Variants in DNMBP observed in about 807,000 individuals in gnomAD.
The protein encoded by DNMBP is dynamin-binding protein.
A neutral mutation model predicts 150.0 loss-of-function variants in DNMBP; 87 were observed. That is an observed-to-expected ratio of 0.58 (90% confidence interval 0.49 to 0.69). DNMBP has a LOEUF of 0.69. DNMBP is among the 30% of genes least tolerant of loss of function. The pLI is 0.00. For synonymous variants in DNMBP, 711 were observed against 750.4 expected (o/e 0.95, Z 0.86); for missense variants, 1,774 against 1,949.0 (o/e 0.91, Z 1.69).
intron 1 of DNMBP, among the ~76,000 whole-genome samples, chr10:99,976,010 TGTCCAAG>T (rs2040724672): frequency 6.6e-6 from 1 of 152,230 alleles, no homozygotes; most frequent in Non-Finnish European, 1.5e-5. Flanking sequence ...AGATGATAGC[TGTCCAAG>T]GTCACATAGT....
chr10:99,987,649 C>A (rs190138357), intron 1 of DNMBP, among the ~76,000 whole-genome samples: 1 of 151,800 alleles, frequency 6.6e-6, no homozygotes, highest in African/African-American at 2.4e-5. Flanking sequence ...AGGAGGATCA[C>A]TTGAACCCAG....
chr10:99,994,134 G>C (rs1403861680), intron 1 of DNMBP, among the ~76,000 whole-genome samples: 1 of 152,140 alleles, frequency 6.6e-6, no homozygotes, highest in Admixed American at 6.5e-5. Flanking sequence ...TAACAGTTAG[G>C]AGCCCAGACT....
chr10:99,984,901 T>C (rs1313089964), intron 1 of DNMBP, among the ~76,000 whole-genome samples: 3 of 152,094 alleles, frequency 2.0e-5, no homozygotes, highest in African/African-American at 7.2e-5. Context: ...ATAATGAATT[T>C]ACAAATTTTT....
chr10:100,007,322 T>C (rs1326359646), intron 1 of DNMBP, among the ~76,000 whole-genome samples: 2 of 152,188 alleles, frequency 1.3e-5, no homozygotes, highest in Non-Finnish European at 2.9e-5. Context: ...CACGAGGGCT[T>C]AGTCTGTTTT....
Position 99,880,058 on chromosome 10 carries a change from C to T in DNMBP, c.4301G>A (p.Cys1434Tyr), listed in dbSNP as rs371661794. Residue 1434 changes from cysteine (C) to tyrosine (Y), a missense_variant, in exon 16 of 17, where the codon TGC becomes TAC. Around this residue, in one of 2 missense-constraint regions of DNMBP, gnomAD observed 1,430 missense variants for 1,492.5 expected, o/e 0.96. Coordinates refer to ENST00000324109, the MANE Select transcript of DNMBP (RefSeq NM_015221.4). ...GGAGGTGGAGTCTGGGTCTGAAGGGCATCTGGAAGGACTACTCTCTGAATT... is the reference window on the plus strand; with the variant it reads ...GGAGGTGGAGTCTGGGTCTGAAGGGTATCTGGAAGGACTACTCTCTGAATT... ...PSNSESSPSR[C>Y]PSDPDSTSQP... 77 of 1,614,026 alleles carry T rather than the reference C, an allele frequency of 4.8e-5. No homozygotes were observed. Among genetic ancestry groups the T allele is most frequent in the Non-Finnish European group, 6.4e-5 (76 of 1,180,032 alleles).
At chr10:99,937,049 C>T (rs1413282889) in intron 4 of DNMBP, among the ~76,000 whole-genome samples, 3 of 152,008 alleles carry the variant, frequency 2.0e-5, no homozygotes, top group South Asian at 2.1e-4. Context: ...TACAGGTGCC[C>T]GCCACCACGC....
intron 1 of DNMBP, among the ~76,000 whole-genome samples, chr10:100,006,791 G>A (rs1014368418): frequency 1.8e-4 from 27 of 151,958 alleles, no homozygotes; most frequent in African/African-American, 6.5e-4. Context: ...ACTGCCTCCT[G>A]CTCACTTCCT....
chr10:99,919,391 G>A (rs538920068), intron 4 of DNMBP, among the ~76,000 whole-genome samples: 36 of 152,118 alleles, frequency 2.4e-4, no homozygotes, highest in Non-Finnish European at 3.8e-4. Context: ...TTAATTAGGC[G>A]GTTTACTTTT....
chr10:99,938,260 T>C (rs1329107540), intron 4 of DNMBP, among the ~76,000 whole-genome samples: 1 of 152,132 alleles, frequency 6.6e-6, no homozygotes, highest in Non-Finnish European at 1.5e-5. Context: ...AAAGAAATTA[T>C]TGACCAGGTG....
chr10:99,957,093 G>A lies in DNMBP; in HGVS notation c.381C>T (p.Ser127=), dbSNP rs1287047312. The change falls in exon 4 of 17, where the codon TCC becomes TCT. Residue 127 remains serine, a synonymous_variant. Transcript: ENST00000324109. The stretch of plus-strand genomic sequence containing the variant: ...GGGAGTGCCACTGCCGGCTCTGTGA[G>A]GAGAGGCAGAGCTCGCGGACACATG... The part of the protein sequence containing the change: ...PSSCVRELCL[S]SQSRQWHSQS... The A allele has an allele frequency of 6.2e-7, 1 of 1,614,144 alleles. No individual in the cohort carries two copies. The highest frequency in any genetic ancestry group is 8.5e-7 in the Non-Finnish European group (1 of 1,180,028).
chr10:99,912,110 C>T (rs906926897), intron 4 of DNMBP, among the ~76,000 whole-genome samples: 7 of 152,110 alleles, frequency 4.6e-5, no homozygotes, highest in African/African-American at 1.2e-4. Flanking sequence ...GTAAGAAAAT[C>T]CAGGCTTGGA....
intron 4 of DNMBP, among the ~76,000 whole-genome samples, chr10:99,917,073 T>C (rs759201301): frequency 2.0e-5 from 3 of 152,268 alleles, no homozygotes; most frequent in African/African-American, 7.2e-5. Flanking sequence ...AATACTCTTA[T>C]AAGGCCAGGC....
At chr10:99,973,390 C>T (rs2040698051) in intron 1 of DNMBP, among the ~76,000 whole-genome samples, 1 of 152,080 alleles carries the variant, frequency 6.6e-6, no homozygotes. Context: ...CTGAAGAGGG[C>T]AGTAATGAAA....
intron 4 of DNMBP, among the ~76,000 whole-genome samples, chr10:99,936,934 T>C (rs544370735): frequency 2.0e-5 from 3 of 152,138 alleles, no homozygotes; most frequent in African/African-American, 7.2e-5. Flanking sequence ...AGTGTTACTC[T>C]GTCACCCAGG....
At chr10:99,975,028 G>T (rs1001783068) in intron 1 of DNMBP, among the ~76,000 whole-genome samples, 6 of 152,090 alleles carry the variant, frequency 3.9e-5, no homozygotes, top group African/African-American at 7.2e-5. Flanking sequence ...AAAGTGCCAG[G>T]GGGTTACAGG....
intron 2 of DNMBP, 87 bp downstream of exon 2, chr10:99,971,893 T>C (rs902578999): frequency 2.4e-6 from 3 of 1,231,186 alleles, no homozygotes; most frequent in Non-Finnish European, 3.4e-6. Context: ...TCTCACTCTG[T>C]TGCCCAGGCT....
At chr10:99,931,311 T>C (rs2040154729) in intron 4 of DNMBP, among the ~76,000 whole-genome samples, 1 of 152,158 alleles carries the variant, frequency 6.6e-6, no homozygotes, top group East Asian at 1.9e-4. Flanking sequence ...TCTGAAACCT[T>C]TCAGGACTTC....
chr10:99,955,803 G>A lies in DNMBP; in HGVS notation c.1671C>T (p.Ile557=), dbSNP rs780066787. Residue 557 remains isoleucine (I), a synonymous_variant, in exon 4 of 17, where the codon ATC becomes ATT. Transcript: ENST00000324109. ...DLDSKLTQQL[I]EFEKSLAGPG... The stretch of plus-strand genomic sequence containing the variant: ...GCCCTGCCAAGCTCTTCTCAAACTC[G>A]ATCAGCTGTTGTGTCAGCTTCGAGT... 17 of 1,614,102 alleles carry A rather than the reference G, an allele frequency of 1.1e-5. No individual in the cohort carries two copies. Among genetic ancestry groups the A allele is most frequent in the African/African-American group, 5.3e-5 (4 of 74,938 alleles).
intron 4 of DNMBP, among the ~76,000 whole-genome samples, chr10:99,952,932 TG>T (rs1242721674): frequency 2.6e-5 from 4 of 152,166 alleles, no homozygotes; most frequent in Non-Finnish European, 5.9e-5. Flanking sequence ...CTAGACCCCC[TG>T]GGTTGCTTTC....
Sources: allele counts gnomAD v4.1 joint callset (sites outside exome capture counted in the v4.1 genomes callset), GRCh38; gene constraint gnomAD v4.1.1; regional missense constraint gnomAD v4.1.1; transcripts MANE v1.5; gene names NCBI Gene and HGNC (gene_info 2026-07-23, HGNC 2026-07-21).